The following CSTPP1 variants were observed in gnomAD, a reference collection of about 807,000 sequenced individuals.
CSTPP1 encodes centriolar satellite-associated tubulin polyglutamylase complex regulator 1, also known as UPF0705 protein C11orf49.
the CSTPP1 span, among the ~76,000 whole-genome samples, chr11:46,950,769 G>A: frequency 1.3e-5 from 2 of 151,834 alleles, no homozygotes; most frequent in East Asian, 1.9e-4. Flanking sequence ...CTGCTATCAC[G>A]CCTGGCTAAT....
the CSTPP1 span, among the ~76,000 whole-genome samples, chr11:47,089,802 T>G: frequency 6.6e-6 from 1 of 152,140 alleles, no homozygotes; most frequent in Middle Eastern, 3.2e-3. Flanking sequence ...AGTAGTGACG[T>G]GGGTTTTAAC....
chr11:47,084,452 T>G, the CSTPP1 span, among the ~76,000 whole-genome samples: 1 of 152,210 alleles, frequency 6.6e-6, no homozygotes, highest in Non-Finnish European at 1.5e-5. Flanking sequence ...GTCTAAAAAA[T>G]CTTTGCCTAC....
the CSTPP1 span, chr11:47,164,104 C>G: frequency 1.2e-6 from 2 of 1,611,354 alleles, no homozygotes; most frequent in Non-Finnish European, 1.7e-6. Flanking sequence ...GTGGTGAGGT[C>G]GAAGCTGCAC....
chr11:47,033,396 T>G, the CSTPP1 span, among the ~76,000 whole-genome samples: 2 of 152,198 alleles, frequency 1.3e-5, no homozygotes. Flanking sequence ...TAATGTCAGT[T>G]TGTTTTCTGG....
the CSTPP1 span, among the ~76,000 whole-genome samples, chr11:47,101,197 T>TTTTTTTTTTTTTTTG: frequency 7.3e-6 from 1 of 136,820 alleles, no homozygotes; most frequent in Non-Finnish European, 1.6e-5. Flanking sequence ...TTTATTTTAT[T>TTTTTTTTTTTTTTTG]TTTAGTAGAG....
chr11:47,073,283 A>G, the CSTPP1 span, among the ~76,000 whole-genome samples: 1 of 152,332 alleles, frequency 6.6e-6, no homozygotes, highest in South Asian at 2.1e-4. Flanking sequence ...TGGGAAGACA[A>G]CTAGGGAGTG....
At chr11:47,106,278 G>A in the CSTPP1 span, among the ~76,000 whole-genome samples, 19 of 152,120 alleles carry the variant, frequency 1.2e-4, no homozygotes, top group African/African-American at 4.3e-4. Flanking sequence ...AAGGAGAACC[G>A]ATCAAATTGT....
the CSTPP1 span, among the ~76,000 whole-genome samples, chr11:46,998,761 A>T: frequency 6.6e-6 from 1 of 151,474 alleles, no homozygotes; most frequent in African/African-American, 2.4e-5. Context: ...TTTGAGATGG[A>T]GTCTTGCTCT....
At chr11:46,993,423 G>A in the CSTPP1 span, among the ~76,000 whole-genome samples, 2 of 151,330 alleles carry the variant, frequency 1.3e-5, no homozygotes, top group Non-Finnish European at 2.9e-5. Flanking sequence ...TGACATTTAA[G>A]TCTTTAATTC....
chr11:47,063,038 C>A, the CSTPP1 span, among the ~76,000 whole-genome samples: 8 of 152,188 alleles, frequency 5.3e-5, no homozygotes, highest in African/African-American at 1.9e-4. Flanking sequence ...GCTACCATTG[C>A]TAGAGCTTCT....
the CSTPP1 span, among the ~76,000 whole-genome samples, chr11:46,956,567 A>G: frequency 6.6e-6 from 1 of 152,118 alleles, no homozygotes; most frequent in Non-Finnish European, 1.5e-5. Flanking sequence ...GTTCTATTGT[A>G]TTTGTCCCGT....
At chr11:47,084,513 G>T in the CSTPP1 span, among the ~76,000 whole-genome samples, 1 of 152,072 alleles carries the variant, frequency 6.6e-6, no homozygotes, top group Non-Finnish European at 1.5e-5. Flanking sequence ...AGCAATAGAG[G>T]TTTAACTTTT....
chr11:47,038,961 GCTC>G, the CSTPP1 span, among the ~76,000 whole-genome samples: 1 of 123,508 alleles, frequency 8.1e-6, no homozygotes, highest in African/African-American at 2.5e-5. Flanking sequence ...GGGCAGAGAC[GCTC>G]CTCACTTCCC....
At chr11:47,026,222 T>A in the CSTPP1 span, among the ~76,000 whole-genome samples, 2 of 152,148 alleles carry the variant, frequency 1.3e-5, no homozygotes, top group Non-Finnish European at 2.9e-5. Context: ...AGAAATACTG[T>A]AAAGAGAAAC....
chr11:47,126,560 G>T, the CSTPP1 span, among the ~76,000 whole-genome samples: 1 of 152,152 alleles, frequency 6.6e-6, no homozygotes, highest in African/African-American at 2.4e-5. Flanking sequence ...TGAACCCAAG[G>T]AATTCCAGGC....
the CSTPP1 span, among the ~76,000 whole-genome samples, chr11:46,951,224 A>G: frequency 2.8e-4 from 43 of 152,180 alleles, no homozygotes; most frequent in South Asian, 8.7e-3. Flanking sequence ...ATTCAGTTCA[A>G]TAAAAATTTA....
the CSTPP1 span, among the ~76,000 whole-genome samples, chr11:47,080,697 A>G: frequency 6.6e-6 from 1 of 152,024 alleles, no homozygotes; most frequent in Non-Finnish European, 1.5e-5. Flanking sequence ...AATATACTAA[A>G]ATCAATAATT....
chr11:47,023,439 T>C, the CSTPP1 span: 2 of 153,398 alleles, frequency 1.3e-5, no homozygotes, highest in African/African-American at 2.4e-5. Flanking sequence ...TCAGGGCCCA[T>C]AGGGGACCTG....
the CSTPP1 span, among the ~76,000 whole-genome samples, chr11:47,011,077 T>G: frequency 6.6e-6 from 1 of 152,202 alleles, no homozygotes; most frequent in East Asian, 1.9e-4. Context: ...CTGAACATAT[T>G]AAAACTAATT....
Sources: gnomAD v4.1 joint callset for allele counts (sites outside exome capture counted in the v4.1 genomes callset) on GRCh38, gnomAD v4.1.1 for gene constraint, MANE v1.5 for transcripts, NCBI Gene and HGNC (gene_info 2026-07-23, HGNC 2026-07-21) for gene names.